MTA1: variants seen among roughly 807,000 people sequenced by gnomAD.
MTA1 encodes metastasis-associated protein MTA1.
MTA1 carries 15 observed loss-of-function variants against 97.0 expected under a neutral mutation model. The ratio of observed to expected loss-of-function variants is 0.15; its 90% CI spans 0.10 to 0.24. The LOEUF is 0.24. Ranked by LOEUF, MTA1 falls within the 10% of genes least tolerant of loss-of-function variation. The probability of loss-of-function intolerance (pLI) is 1.00; values close to 1 mark genes in which losing one functional copy is unlikely to be tolerated. For synonymous variants in MTA1, 435 were observed against 417.5 expected, an observed-to-expected ratio of 1.04 and a Z score of -0.51; for missense variants, 709 against 1,015.1, an observed-to-expected ratio of 0.70 and a Z score of 4.10.
At chr14:105,439,309 G>C (rs1244872838) in intron 2 of MTA1, among the ~76,000 whole-genome samples, 6 of 150,996 alleles carry the variant, frequency 4.0e-5, no homozygotes, top group Non-Finnish European at 5.9e-5. Flanking sequence ...CACCTGGTTT[G>C]TGTCTGCCAT....
chr14:105,450,587 G>A (rs901458482), intron 6 of MTA1, among the ~76,000 whole-genome samples: 19 of 152,184 alleles, frequency 1.2e-4, no homozygotes, highest in African/African-American at 4.3e-4. Flanking sequence ...GACAGCCAGC[G>A]AGGGGAGGTC....
chr14:105,450,870 G>A (rs1415905935), intron 6 of MTA1, among the ~76,000 whole-genome samples: 4 of 152,246 alleles, frequency 2.6e-5, no homozygotes, highest in African/African-American at 7.2e-5. Context: ...GTCGCCTGAC[G>A]GAGAGCGGTG....
In MTA1 at chr14:105,420,750, C is replaced by G. The variant is rs2081804772; in HGVS notation, c.28+687C>G. 6.6e-6 allele frequency among the ~76,000 whole-genome samples: 1 copy of G among 152,228 alleles called. No individual in the cohort carries two copies. Among genetic ancestry groups the G allele is most frequent in the Admixed American group, 6.5e-5 (1 of 15,294 alleles). Reference sequence around the variant, plus strand: ...TGGGCAGGGGCTTCCTCCGTGGGCCCAGCCTCCTGTTGCTCGGGCCCCCCG... The same window carrying G: ...TGGGCAGGGGCTTCCTCCGTGGGCCGAGCCTCCTGTTGCTCGGGCCCCCCG... On this transcript the variant is annotated intron_variant, in intron 1 of 20. Transcript: ENST00000331320. The surrounding 1 kb of genome is among the most constrained non-coding windows in gnomAD (Gnocchi z 5.3).
Position 105,463,435 on chromosome 14 carries a change from A to C in MTA1, c.1018-58A>C. On this transcript the variant is annotated intron_variant, in intron 11 of 20. Coordinates refer to ENST00000331320, the MANE Select transcript of MTA1 (RefSeq NM_004689.4). This position sits in a 1 kb window ranked among gnomAD's most constrained non-coding sequence, Gnocchi z 5.9. ...TCTCCGTAGCCTCCAGCCTGTCTGC[A>C]CTGCAGCCCCAACCTGGGCCTAGCC... The C allele has an allele frequency of 6.3e-7, 1 of 1,590,324 alleles. No individual in the cohort carries two copies. Among genetic ancestry groups the C allele is most frequent in the Admixed American group, 1.7e-5 (1 of 59,922 alleles).
At chr14:105,425,693 C>T (rs1472528465) in intron 1 of MTA1, among the ~76,000 whole-genome samples, 1 of 149,676 alleles carries the variant, frequency 6.7e-6, no homozygotes, top group Non-Finnish European at 1.5e-5. Context: ...AGCTGGCCTG[C>T]TCCATTCCTG....
intron 18 of MTA1, chr14:105,468,321 G>C: frequency 7.7e-7 from 1 of 1,304,410 alleles, no homozygotes. Context: ...TCCCTCTGCT[G>C]TCCACCGCTC....
chr14:105,445,840 A>T (rs1230998692), intron 3 of MTA1: 2 of 406,692 alleles, frequency 4.9e-6, no homozygotes, highest in Middle Eastern at 3.5e-4. Context: ...ACTTCTGGAG[A>T]CTTTCCAGGC....
intron 6 of MTA1, among the ~76,000 whole-genome samples, chr14:105,453,082 C>A (rs1429221771): frequency 2.0e-5 from 3 of 152,258 alleles, no homozygotes; most frequent in African/African-American, 7.2e-5. Flanking sequence ...GCAGGACACA[C>A]AATGCCGGAC....
intron 10 of MTA1, among the ~76,000 whole-genome samples, chr14:105,462,027 CGGA>C (rs1347561361): frequency 2.7e-5 from 1 of 37,076 alleles, no homozygotes; most frequent in Non-Finnish European, 5.9e-5. Context: ...ATGGTTCCAG[CGGA>C]GGAGACCCCA....
chr14:105,421,280 G>A (rs943255043), intron 1 of MTA1, among the ~76,000 whole-genome samples: 2 of 152,170 alleles, frequency 1.3e-5, no homozygotes, highest in African/African-American at 2.4e-5. Context: ...ACCCAGGTGC[G>A]CTGAGCCCAC....
intron 2 of MTA1, among the ~76,000 whole-genome samples, chr14:105,441,662 C>A (rs186911477): frequency 6.6e-6 from 1 of 152,082 alleles, no homozygotes; most frequent in Admixed American, 6.5e-5. Flanking sequence ...GGCGTGGTGG[C>A]GGGCGCCTGT....
intron 7 of MTA1, 125 bp from the exon 8 acceptor site, chr14:105,458,145 C>T (rs182407749): frequency 8.2e-6 from 6 of 731,114 alleles, no homozygotes; most frequent in African/African-American, 5.2e-5. Context: ...ACCCTGGCCT[C>T]ACCTATGGGG....
At position 105,464,167 on chromosome 14, in the gene MTA1, G is replaced by T; in HGVS notation, c.1192+20G>T. 1 of 1,596,052 alleles carries T rather than the reference G, an allele frequency of 6.3e-7. No individual in the cohort carries two copies. Among genetic ancestry groups the T allele is most frequent in the Non-Finnish European group, 8.5e-7 (1 of 1,169,726 alleles). The stretch of plus-strand genomic sequence containing the variant: ...GTTACAGTAAGTGCCCTGGATGGCC[G>T]GGGGCACACCGCACGCCCGCCTGTG... On this transcript the variant is annotated intron_variant, in intron 13 of 20. Transcript: ENST00000331320.
Position 105,469,929 on chromosome 14 carries a change from G to T in MTA1, c.1934G>T (p.Arg645Leu). 6.2e-7 allele frequency: 1 copy of T among 1,612,230 alleles called. No individual in the cohort carries two copies. Among genetic ancestry groups the T allele is most frequent in the Non-Finnish European group, 8.5e-7 (1 of 1,179,710 alleles). The change falls in exon 20 of 21, where the codon CGG becomes CTG. Residue 645 changes from arginine (R) to leucine (L), a missense_variant. Physicochemically the swap from Arg to Leu is moderately radical, Grantham distance 102 (BLOSUM62 -2). Coordinates refer to ENST00000331320, the MANE Select transcript of MTA1 (RefSeq NM_004689.4). Reference sequence around the variant, plus strand: ...GGGGGCTCCCTGCCCCCAGTCAAGCGGCGGCGGATGAACTGGATCGACGCC... The same window carrying T: ...GGGGGCTCCCTGCCCCCAGTCAAGCTGCGGCGGATGAACTGGATCGACGCC... The part of the protein sequence containing the change: ...IRGGSLPPVK[R>L]RRMNWIDAPD...
chr14:105,423,570 T>C (rs1233808109), intron 1 of MTA1, among the ~76,000 whole-genome samples: 30 of 150,152 alleles, frequency 2.0e-4, no homozygotes, highest in African/African-American at 7.0e-4. Context: ...AGACTCCGTA[T>C]CAAAAAAAAA....
intron 1 of MTA1, among the ~76,000 whole-genome samples, chr14:105,434,136 A>T (rs190085151): frequency 9.8e-5 from 15 of 152,356 alleles, no homozygotes; most frequent in Middle Eastern, 3.4e-3. Flanking sequence ...TGATTTCATC[A>T]GTATGAAATG....
intron 7 of MTA1, among the ~76,000 whole-genome samples, chr14:105,457,904 G>A (rs1555430215): frequency 6.6e-6 from 1 of 151,724 alleles, no homozygotes; most frequent in African/African-American, 2.4e-5. Context: ...CAGCCTGGGC[G>A]ACAGAGTGAG....
At chr14:105,444,846 A>G (rs1396231415) in intron 2 of MTA1, among the ~76,000 whole-genome samples, 6 of 152,060 alleles carry the variant, frequency 3.9e-5, no homozygotes, top group Non-Finnish European at 8.8e-5. Flanking sequence ...TTGCACTGTG[A>G]TTAGAATTAC....
At chr14:105,439,238 A>C (rs58389555) in intron 2 of MTA1, among the ~76,000 whole-genome samples, 60 of 38,596 alleles carry the variant, frequency 1.6e-3, no homozygotes, top group South Asian at 3.1e-3. Context: ...TCTGCCCCCA[A>C]CCCTGAGGTG....
Sources: gnomAD v4.1 joint callset for allele counts (sites outside exome capture counted in the v4.1 genomes callset) on GRCh38, gnomAD v4.1.1 for gene constraint, Gnocchi (gnomAD v3.1) non-coding constraint, MANE v1.5 for transcripts, NCBI Gene and HGNC (gene_info 2026-07-23, HGNC 2026-07-21) for gene names.